Variants in EDA observed in about 807,000 individuals in gnomAD.
EDA encodes ectodysplasin A.
Under a neutral mutation model 23.6 loss-of-function variants are expected in EDA, and 2 were observed. The observed-to-expected ratio is 0.08, with a 90% CI of 0.03 to 0.27. The LOEUF is 0.27. Among genes scored for constraint, EDA ranks in the 10% least tolerant of loss-of-function variants. The pLI is 1.00. For synonymous variants in EDA, 131 were observed against 132.0 expected (o/e 0.99, Z 0.05); for missense variants, 229 against 324.2 (o/e 0.71, Z 2.26).
At chrX:69,647,693 T>G (rs1932968502) in intron 1 of EDA, among the ~76,000 whole-genome samples, 1 of 111,926 alleles carries the variant, frequency 8.9e-6, no homozygotes, top group Admixed American at 9.5e-5. Context: ...CTTCCATCTA[T>G]TCAGCCATCT....
At chrX:69,738,800 A>G (rs1025296844) in intron 1 of EDA, among the ~76,000 whole-genome samples, 3 of 109,001 alleles carry the variant, frequency 2.8e-5, no homozygotes, top group Non-Finnish European at 3.8e-5. Flanking sequence ...TAATTTCCCA[A>G]CTTTATTTCT....
At chrX:69,868,290 C>G (rs896205288) in intron 1 of EDA, among the ~76,000 whole-genome samples, 1 of 112,191 alleles carries the variant, frequency 8.9e-6, no homozygotes, top group African/African-American at 3.2e-5. Flanking sequence ...TTTCAGGTCA[C>G]TTGATAAATA....
In EDA at chrX:69,993,573, C is replaced by A. The variant is rs925181564; in HGVS notation, c.503-29645C>A. Among the ~76,000 whole-genome samples the A allele has an allele frequency of 2.0e-4, 22 of 112,390 alleles. 1 individual carries two copies. The highest frequency in any genetic ancestry group is 1.3e-4 in the Non-Finnish European group (7 of 53,259). On this transcript the variant is annotated intron_variant, in intron 2 of 7. Transcript: ENST00000374552. ...GGTTGGACAGAGCTTAAATTCAGGT[C>A]TGTCTGATTCAAAAGAGCTTGATTT...
chrX:69,773,147 A>G (rs779086038), intron 1 of EDA, among the ~76,000 whole-genome samples: 2 of 112,493 alleles, frequency 1.8e-5, no homozygotes, highest in African/African-American at 3.2e-5. Context: ...GACATTTCAT[A>G]TTAATGGAAT....
rs953617576 is a variant in EDA at position 69,943,741 on chromosome X, G to A, written c.397-13286G>A. 9.2e-5 allele frequency among the ~76,000 whole-genome samples: 10 copies of A among 108,513 alleles called. 1 individual carries two copies. The highest frequency in any genetic ancestry group is 1.7e-4 in the Non-Finnish European group (9 of 52,360). The allele number at this position is 108,513 out of a possible 115,157, so 94.2% of individuals were successfully genotyped here. On this transcript the variant is annotated intron_variant, in intron 1 of 7. Coordinates refer to ENST00000374552, the MANE Select transcript of EDA (RefSeq NM_001399.5). ...CAGCAGGTGGCAAATCTAGCCAAGC[G>A]TACGATATTCCATTCAGGGTGGCAA...
chrX:69,905,102 A>G (rs751479362), intron 1 of EDA, among the ~76,000 whole-genome samples: 9 of 112,169 alleles, frequency 8.0e-5, no homozygotes, highest in African/African-American at 2.9e-4. Flanking sequence ...AAGAACCTCT[A>G]TACTGTTCTT....
chrX:69,779,050 G>A (rs906507282), intron 1 of EDA, among the ~76,000 whole-genome samples: 1 of 111,427 alleles, frequency 9.0e-6, no homozygotes, highest in African/African-American at 3.3e-5. Context: ...AGGATTCAGA[G>A]AAATTGGAAC....
chrX:69,987,456 A>C (rs1006922271), intron 2 of EDA, among the ~76,000 whole-genome samples: 23 of 109,774 alleles, frequency 2.1e-4, no homozygotes, highest in African/African-American at 7.3e-4. Flanking sequence ...GGTGGGAAGA[A>C]AAATGAAGAC....
Position 70,036,231 on chromosome X carries a change from A to AC in EDA, c.*624dup, listed in dbSNP as rs1375369210. 3.5e-5 allele frequency: 4 copies of AC among 112,727 alleles called. No homozygotes were observed. The highest frequency in any genetic ancestry group is 9.7e-5 in the African/African-American group (3 of 30,863). 9.3% of individuals were successfully genotyped at this position (112,727 alleles called of 1,213,427 possible). A position where few individuals can be genotyped will look rare whatever the true frequency, so the allele number is the denominator to read the frequency against. On this transcript the variant is annotated 3_prime_UTR_variant, in exon 8 of 8. Transcript: ENST00000374552. ...TCTTCCCACTCCAGCTGACAGCCAC[A>AC]CCGTGGCAGCTTGCTGGGCTTTGGG...
At chrX:69,933,014 T>G (rs778324134) in intron 1 of EDA, among the ~76,000 whole-genome samples, 1 of 110,844 alleles carries the variant, frequency 9.0e-6, no homozygotes, top group East Asian at 2.8e-4. Context: ...CTTAGTTCTT[T>G]GTAAAAACTA....
At chrX:69,988,589 C>T (rs987851569) in intron 2 of EDA, among the ~76,000 whole-genome samples, 3 of 112,151 alleles carry the variant, frequency 2.7e-5, no homozygotes, top group African/African-American at 9.7e-5. Context: ...GTCGCGGTGG[C>T]TCATGCCTGT....
chrX:69,956,943 G>A, intron 1 of EDA, 84 bp from the exon 2 acceptor site: 1 of 839,951 alleles, frequency 1.2e-6, no homozygotes, highest in South Asian at 2.1e-5. Context: ...GGTACAGGTA[G>A]ACTGTCTATG....
intron 2 of EDA, among the ~76,000 whole-genome samples, chrX:69,979,031 ACT>A (rs199891307): frequency 0.012 from 1,345 of 111,564 alleles, 19 homozygotes; most frequent in African/African-American, 0.042. Context: ...CCAAAAAGAA[ACT>A]CTGTGTCCAT....
chrX:69,852,268 T>C (rs1024305165), intron 1 of EDA, among the ~76,000 whole-genome samples: 3 of 111,467 alleles, frequency 2.7e-5, no homozygotes, highest in African/African-American at 9.8e-5. Context: ...TAACTGGGAT[T>C]ACAGGCATGT....
At chrX:69,858,100 A>C (rs2017299126) in intron 1 of EDA, among the ~76,000 whole-genome samples, 1 of 111,911 alleles carries the variant, frequency 8.9e-6, no homozygotes, top group Non-Finnish European at 1.9e-5. Flanking sequence ...GACTTTGCCT[A>C]AGTTGTGTAT....
intron 1 of EDA, among the ~76,000 whole-genome samples, chrX:69,834,049 G>T (rs764046384): frequency 6.7e-5 from 7 of 104,919 alleles, no homozygotes; most frequent in African/African-American, 2.1e-4. Context: ...GAGAACATAC[G>T]ATGTTTGGTT....
intron 1 of EDA, among the ~76,000 whole-genome samples, chrX:69,700,695 G>A (rs1602310437): frequency 1.8e-5 from 2 of 111,114 alleles, no homozygotes; most frequent in South Asian, 3.9e-4. Context: ...AGGGTAATGC[G>A]GACAGGAGTG....
At chrX:69,957,468 G>A in intron 2 of EDA, 4 of 136,206 alleles carry the variant, frequency 2.9e-5, no homozygotes, top group East Asian at 2.5e-4. Context: ...GACAGTGCGA[G>A]ACTCCATCTC....
chrX:69,710,973 A>G, intron 1 of EDA, among the ~76,000 whole-genome samples: 1 of 111,402 alleles, frequency 9.0e-6, no homozygotes, highest in East Asian at 2.8e-4. Flanking sequence ...TCCTAATTGA[A>G]TACTCTTTAT....
Sources: allele counts gnomAD v4.1 joint callset (sites outside exome capture counted in the v4.1 genomes callset), GRCh38; gene constraint gnomAD v4.1.1; transcripts MANE v1.5; gene names NCBI Gene and HGNC (gene_info 2026-07-23, HGNC 2026-07-21).